The following NAA16 variants were observed in gnomAD, a reference collection of about 807,000 sequenced individuals.
NAA16 encodes the protein N-alpha-acetyltransferase 16, NatA auxiliary subunit.
Under a neutral mutation model 110.3 loss-of-function variants are expected in NAA16, and 97 were observed. The ratio of observed to expected loss-of-function variants is 0.88; its 90% CI spans 0.75 to 1.04. NAA16 has a LOEUF of 1.04. Among genes scored for constraint, NAA16 ranks in the 50% least tolerant of loss-of-function variants. The pLI is 0.00. For synonymous variants in NAA16, 372 were observed against 330.6 expected, an observed-to-expected ratio of 1.13 and a Z score of -1.36; for missense variants, 1,017 against 1,005.1, an observed-to-expected ratio of 1.01 and a Z score of -0.16.
chr13:41,317,766 G>C (rs1174316535), intron 2 of NAA16, among the ~76,000 whole-genome samples: 1 of 152,188 alleles, frequency 6.6e-6, no homozygotes, highest in Non-Finnish European at 1.5e-5. Context: ...ACAGATAAAA[G>C]GTGTTGGAGC....
chr13:41,362,863 A>G (rs561120966), intron 13 of NAA16: 2 of 1,280,264 alleles, frequency 1.6e-6, no homozygotes, highest in Admixed American at 2.3e-5. Context: ...AACCACAGGC[A>G]TCGTAGTCAG....
intron 11 of NAA16, 50 bp from the exon 12 acceptor site, chr13:41,358,760 C>A: frequency 6.6e-7 from 1 of 1,523,130 alleles, no homozygotes; most frequent in Non-Finnish European, 8.8e-7. Context: ...TTTTATTGTA[C>A]TCATATTCTC....
intron 2 of NAA16, among the ~76,000 whole-genome samples, chr13:41,317,602 C>T (rs887950390): frequency 3.9e-5 from 6 of 152,080 alleles, no homozygotes; most frequent in African/African-American, 1.4e-4. Context: ...AATAGGCTGA[C>T]CTTGCTCACT....
intron 3 of NAA16, among the ~76,000 whole-genome samples, chr13:41,320,035 C>T (rs555682427): frequency 1.3e-5 from 2 of 152,204 alleles, no homozygotes; most frequent in Non-Finnish European, 2.9e-5. Flanking sequence ...TTACTAAATA[C>T]TTATTTCTTT....
At chr13:41,358,620 T>C (rs2043045525) in intron 11 of NAA16, 147 bp downstream of exon 11, 2 of 1,448,908 alleles carry the variant, frequency 1.4e-6, no homozygotes, top group South Asian at 3.1e-5. Context: ...ATATTAATTG[T>C]ATAATCAATG....
At chr13:41,360,448 A>G (rs893786552) in intron 12 of NAA16, among the ~76,000 whole-genome samples, 1 of 152,188 alleles carries the variant, frequency 6.6e-6, no homozygotes, top group Non-Finnish European at 1.5e-5. Flanking sequence ...ATTTTTAAGA[A>G]ACAGAAAGCC....
rs776725350 is a variant in NAA16 at position 41,373,665 on chromosome 13, T to A, written c.2184T>A (p.Ile728=). ...SVSNHSNLPD[I]VSKVLSQEMQ... Reference sequence around the variant, plus strand: ...CTAATCATAGTAATCTTCCAGACATTGTGAGCAAAGTTCTATCTCAAGAAA... The same window carrying A: ...CTAATCATAGTAATCTTCCAGACATAGTGAGCAAAGTTCTATCTCAAGAAA... Residue 728 remains isoleucine (I), a synonymous_variant, in exon 18 of 20, where the codon ATT becomes ATA. Transcript: ENST00000379406. The A allele has an allele frequency of 3.7e-6, 6 of 1,608,346 alleles. No individual in the cohort carries two copies. Among genetic ancestry groups the A allele is most frequent in the African/African-American group, 1.3e-5 (1 of 74,432 alleles).
intron 13 of NAA16, chr13:41,363,023 C>T: frequency 1.9e-6 from 1 of 520,950 alleles, no homozygotes; most frequent in Non-Finnish European, 2.6e-6. Flanking sequence ...TAGAAATAAC[C>T]TAATTTTTGC....
Position 41,331,366 on chromosome 13 carries a change from C to A in NAA16, c.904C>A (p.Pro302Thr). ...CAGAAGATTACCTTTGACTCTTGTCCCAGGTAATATTAAGATGTCTTTTAT... is the reference window on the plus strand; with the variant it reads ...CAGAAGATTACCTTTGACTCTTGTCACAGGTAATATTAAGATGTCTTTTAT... ...TPRRLPLTLVPGERFRELMDK... is the reference protein window; with the variant it reads ...TPRRLPLTLVTGERFRELMDK... The change falls in exon 8 of 20, where the codon CCA (proline) becomes ACA (threonine). Residue 302 changes from proline to threonine, a missense_variant. By Grantham distance (38) the Pro-to-Thr change is conservative (BLOSUM62 -1). Transcript: ENST00000379406. 6.4e-7 allele frequency: 1 copy of A among 1,574,490 alleles called. No individual in the cohort carries two copies. Among genetic ancestry groups the A allele is most frequent in the African/African-American group, 1.4e-5 (1 of 74,002 alleles).
At chr13:41,328,698 G>A (rs982644483) in intron 6 of NAA16, 26 bp from the exon 7 acceptor site, 3 of 1,570,896 alleles carry the variant, frequency 1.9e-6, no homozygotes, top group South Asian at 1.1e-5. Flanking sequence ...TGTTTAAAAT[G>A]AATATGTCTT....
At chr13:41,318,625 T>G (rs2041868520) in intron 2 of NAA16, among the ~76,000 whole-genome samples, 181 bp from the exon 3 acceptor site, 2 of 152,246 alleles carry the variant, frequency 1.3e-5, no homozygotes, top group African/African-American at 4.8e-5. Flanking sequence ...CTGCTAAGCT[T>G]TAAGTAAATA....
intron 9 of NAA16, among the ~76,000 whole-genome samples, chr13:41,337,861 A>G (rs2042423279): frequency 1.3e-5 from 2 of 152,198 alleles, no homozygotes; most frequent in East Asian, 1.9e-4. Context: ...GATATAGCTG[A>G]TTGGCATTTT....
chr13:41,315,419 T>A (rs1450523494), intron 1 of NAA16, among the ~76,000 whole-genome samples: 1 of 152,200 alleles, frequency 6.6e-6, no homozygotes, highest in Non-Finnish European at 1.5e-5. Flanking sequence ...GTACCCTGGC[T>A]GGTGGCATTC....
In NAA16 at chr13:41,350,981, A is replaced by G. The variant is rs138927380; in HGVS notation, c.1015-4163A>G. On this transcript the variant is annotated intron_variant, in intron 9 of 19. Coordinates refer to ENST00000379406, the MANE Select transcript of NAA16 (RefSeq NM_024561.5). ...AGGTGTACATTGATTTGGGACTTCC[A>G]TATTCACTGTTAGAAAGTACTTGTT... Among the ~76,000 whole-genome samples the G allele has an allele frequency of 3.5e-4, 54 of 152,272 alleles. 1 individual carries two copies. In the East Asian group the frequency reaches 0.01, roughly 29 times the overall value.
intron 10 of NAA16, among the ~76,000 whole-genome samples, chr13:41,356,968 G>A (rs189794801): frequency 2.8e-4 from 42 of 152,166 alleles, no homozygotes; most frequent in African/African-American, 8.9e-4. Flanking sequence ...TCTCTTTTTT[G>A]ATGTTAAGAT....
At chr13:41,333,359 A>T (rs370946502) in intron 8 of NAA16, among the ~76,000 whole-genome samples, 1 of 152,118 alleles carries the variant, frequency 6.6e-6, no homozygotes, top group Non-Finnish European at 1.5e-5. Context: ...TGCAACCATC[A>T]TCTCTGTCTG....
In NAA16 at chr13:41,318,832, CTG is replaced by C; in HGVS notation, c.167_168del (p.Leu56GlnfsTer11). On this transcript the variant is annotated frameshift_variant, in exon 3 of 20. Transcript: ENST00000379406. LOFTEE classifies it high-confidence loss of function. ...GACTTTGGCTATGAAAGGATTAACA[CTG>C]AACTGTTTAGGAAAAAAAGAAGAAG... ...GETLAMKGLT[L>X]NCLGKKEEAY... is the part of the protein sequence containing the mutation. 6.3e-7 allele frequency: 1 copy of C among 1,594,058 alleles called. No individual in the cohort carries two copies. Among genetic ancestry groups the C allele is most frequent in the Non-Finnish European group, 8.5e-7 (1 of 1,171,766 alleles).
chr13:41,323,673 C>T (rs1175883724), intron 5 of NAA16, among the ~76,000 whole-genome samples: 5 of 150,136 alleles, frequency 3.3e-5, no homozygotes, highest in Non-Finnish European at 5.9e-5. Context: ...TTTTAAGAGA[C>T]GGGGTCTTGC....
chr13:41,373,333 C>G (rs2043360065), intron 17 of NAA16: 1 of 401,434 alleles, frequency 2.5e-6, no homozygotes, highest in Non-Finnish European at 3.4e-6. Flanking sequence ...TCTTGGCTCA[C>G]TGCAACCTCC....
Sources: allele counts gnomAD v4.1 joint callset (sites outside exome capture counted in the v4.1 genomes callset), GRCh38; gene constraint gnomAD v4.1.1; transcripts MANE v1.5; gene names NCBI Gene and HGNC (gene_info 2026-07-23, HGNC 2026-07-21).